Variants in FSTL4 observed in about 807,000 individuals in gnomAD.
FSTL4 encodes the protein follistatin-related protein 4.
Under a neutral mutation model 78.2 loss-of-function variants are expected in FSTL4, and 28 were observed. That is an observed-to-expected ratio of 0.36 (90% CI 0.27 to 0.49). The LOEUF (loss-of-function observed/expected upper bound fraction) is 0.49, where lower values mean the gene tolerates loss of function less well. Among genes scored for constraint, FSTL4 ranks in the 20% least tolerant of loss-of-function variants. FSTL4 has a pLI of 0.98. For missense variants in FSTL4, 922 were observed against 1,084.9 expected, an observed-to-expected ratio of 0.85 and a Z score of 2.11; for synonymous variants, 422 against 440.5, an observed-to-expected ratio of 0.96 and a Z score of 0.53.
In FSTL4 at chr5:133,440,306, G is replaced by A. The variant is rs768202315; in HGVS notation, c.161-39320C>T. 7.9e-5 allele frequency among the ~76,000 whole-genome samples: 12 copies of A among 152,184 alleles called. No homozygotes were observed. The highest frequency in any genetic ancestry group is 5.2e-4 in the Admixed American group (8 of 15,278). On this transcript the variant is annotated intron_variant, in intron 3 of 15. Transcript: ENST00000265342. This position sits in a 1 kb window ranked among gnomAD's most constrained non-coding sequence, Gnocchi z 4.1. Reference sequence around the variant, plus strand: ...GGCTGTGGGCAGCTCAGGGGTGCCCGTAAGATGCCTCACCAAGCCTGTTTT... The same window carrying A: ...GGCTGTGGGCAGCTCAGGGGTGCCCATAAGATGCCTCACCAAGCCTGTTTT...
chr5:133,245,760 G>C (rs1752022751), intron 7 of FSTL4, among the ~76,000 whole-genome samples: 1 of 152,172 alleles, frequency 6.6e-6, no homozygotes, highest in Admixed American at 6.5e-5. Context: ...GTGCTTCTGA[G>C]AGCAACATTA....
the FSTL4 span, among the ~76,000 whole-genome samples, chr5:133,764,987 G>A: frequency 2.0e-5 from 3 of 152,230 alleles, no homozygotes; most frequent in Non-Finnish European, 2.9e-5. Flanking sequence ...TTCTCCAGGT[G>A]AGCATGAATA....
intron 7 of FSTL4, among the ~76,000 whole-genome samples, chr5:133,239,814 G>C (rs950565648): frequency 6.6e-6 from 1 of 152,174 alleles, no homozygotes; most frequent in African/African-American, 2.4e-5. Context: ...GGGGACCGTG[G>C]AGAACTTTTG....
the FSTL4 span, among the ~76,000 whole-genome samples, chr5:133,712,566 C>T: frequency 9.2e-5 from 14 of 152,316 alleles, no homozygotes; most frequent in African/African-American, 2.2e-4. Flanking sequence ...TGAGTTAACA[C>T]GGGTAACCCC....
intron 2 of FSTL4, 50 bp downstream of exon 2, chr5:133,603,808 T>C: frequency 6.3e-7 from 1 of 1,587,912 alleles, no homozygotes; most frequent in Non-Finnish European, 8.6e-7. Context: ...TACTGTAACA[T>C]CGGAAAGCAA....
intron 4 of FSTL4, among the ~76,000 whole-genome samples, chr5:133,355,880 G>A (rs922568195): frequency 2.0e-5 from 3 of 152,206 alleles, no homozygotes; most frequent in African/African-American, 2.4e-5. Flanking sequence ...CCATGGCTGT[G>A]CCCTGGTCCC....
chr5:133,420,875 A>C (rs759456152), intron 3 of FSTL4, among the ~76,000 whole-genome samples: 7 of 152,174 alleles, frequency 4.6e-5, no homozygotes, highest in Non-Finnish European at 1.0e-4. Context: ...TCCTCTTTGA[A>C]TTTGTGTTCT....
At chr5:133,522,402 C>A (rs1333414460) in intron 3 of FSTL4, among the ~76,000 whole-genome samples, 5 of 152,228 alleles carry the variant, frequency 3.3e-5, no homozygotes, top group African/African-American at 9.7e-5. Context: ...GTGCCACAAT[C>A]TCTTGGGCAT....
the FSTL4 span, among the ~76,000 whole-genome samples, chr5:133,815,860 G>T: frequency 6.6e-6 from 1 of 152,224 alleles, no homozygotes. Context: ...TGTACCCAGG[G>T]CCCCAAAAGG....
the FSTL4 span, among the ~76,000 whole-genome samples, chr5:133,752,178 G>A: frequency 6.6e-6 from 1 of 152,216 alleles, no homozygotes; most frequent in South Asian, 2.1e-4. Context: ...TGTCAGGACT[G>A]GATCCTTGGT....
chr5:133,382,426 T>C (rs1755595292), intron 4 of FSTL4, among the ~76,000 whole-genome samples: 1 of 152,230 alleles, frequency 6.6e-6, no homozygotes, highest in African/African-American at 2.4e-5. Context: ...CTTGTGATGA[T>C]TGTTAGTTCT....
chr5:133,510,129 T>G (rs936050746), intron 3 of FSTL4, among the ~76,000 whole-genome samples: 3 of 152,230 alleles, frequency 2.0e-5, no homozygotes, highest in Non-Finnish European at 4.4e-5. Flanking sequence ...ATTATCCCCA[T>G]TTTACAGTTG....
At chr5:133,504,898 C>T (rs1241987710) in intron 3 of FSTL4, among the ~76,000 whole-genome samples, 3 of 152,184 alleles carry the variant, frequency 2.0e-5, no homozygotes, top group Non-Finnish European at 2.9e-5. Context: ...TGTTTAATGC[C>T]TGCTCTCCCC....
the FSTL4 span, among the ~76,000 whole-genome samples, chr5:133,678,011 G>A: frequency 6.6e-6 from 1 of 152,108 alleles, no homozygotes; most frequent in Non-Finnish European, 1.5e-5. Context: ...TGGCTAAATT[G>A]GGCTAATTAA....
At chr5:133,229,933 G>A (rs1751443849) in intron 8 of FSTL4, among the ~76,000 whole-genome samples, 2 of 152,286 alleles carry the variant, frequency 1.3e-5, no homozygotes, top group South Asian at 4.2e-4. Context: ...ACTTCCAGAG[G>A]GAGCTTTGGG....
At chr5:133,699,742 GCA>G in the FSTL4 span, among the ~76,000 whole-genome samples, 2 of 152,018 alleles carry the variant, frequency 1.3e-5, no homozygotes, top group Non-Finnish European at 2.9e-5. Context: ...TTAGCCAGGT[GCA>G]GTGGCGGGCA....
At chr5:133,473,893 TC>T (rs1189726199) in intron 3 of FSTL4, among the ~76,000 whole-genome samples, 1 of 152,124 alleles carries the variant, frequency 6.6e-6, no homozygotes, top group African/African-American at 2.4e-5. Context: ...TCACTCACTA[TC>T]ATAAGAACAG....
At chr5:133,400,108 G>A (rs142551982) in intron 4 of FSTL4, among the ~76,000 whole-genome samples, 16 of 152,290 alleles carry the variant, frequency 1.1e-4, no homozygotes, top group African/African-American at 3.1e-4. Flanking sequence ...GGTTCTTACC[G>A]TCTAGTGGGA....
At chr5:133,230,553 C>A (rs979706175) in intron 8 of FSTL4, among the ~76,000 whole-genome samples, 1 of 152,184 alleles carries the variant, frequency 6.6e-6, no homozygotes, top group African/African-American at 2.4e-5. Context: ...GAGTGAGATG[C>A]ACCCTCTGCT....
Sources: allele counts gnomAD v4.1 joint callset (sites outside exome capture counted in the v4.1 genomes callset), GRCh38; gene constraint gnomAD v4.1.1; non-coding constraint Gnocchi (gnomAD v3.1); transcripts MANE v1.5; gene names NCBI Gene and HGNC (gene_info 2026-07-23, HGNC 2026-07-21).